INSYN2A: variants seen among roughly 807,000 people sequenced by gnomAD.
INSYN2A encodes inhibitory synaptic factor 2A, also known as family with sequence similarity 196 member A.
A neutral mutation model predicts 39.4 loss-of-function variants in INSYN2A; 17 were observed. That is an observed-to-expected ratio of 0.43 (90% CI 0.30 to 0.65). INSYN2A has a LOEUF of 0.65. Among genes scored for constraint, INSYN2A ranks in the 30% least tolerant of loss-of-function variants. INSYN2A has a pLI of 0.14. For synonymous variants in INSYN2A, 255 were observed against 265.7 expected (o/e 0.96, Z 0.39); for missense variants, 595 against 631.2 (o/e 0.94, Z 0.61).
At chr10:127,174,793 T>G (rs185487373) in intron 4 of INSYN2A, among the ~76,000 whole-genome samples, 2 of 152,380 alleles carry the variant, frequency 1.3e-5, no homozygotes, top group Non-Finnish European at 2.9e-5. Flanking sequence ...ACATGAAATT[T>G]CCTTTCTCTT....
At chr10:127,182,859 G>C (rs539160840) in intron 2 of INSYN2A, among the ~76,000 whole-genome samples, 1 of 152,194 alleles carries the variant, frequency 6.6e-6, no homozygotes, top group African/African-American at 2.4e-5. Flanking sequence ...CTTTAGTTAC[G>C]ATAGCAGGTG....
At chr10:127,161,231 G>A (rs559383988) in intron 4 of INSYN2A, among the ~76,000 whole-genome samples, 1 of 152,334 alleles carries the variant, frequency 6.6e-6, no homozygotes, top group African/African-American at 2.4e-5. Context: ...CATTGTCTTA[G>A]CATTTGAGCT....
At chr10:127,180,339 A>G (rs1589807529) in intron 2 of INSYN2A, among the ~76,000 whole-genome samples, 3 of 152,338 alleles carry the variant, frequency 2.0e-5, no homozygotes, top group Admixed American at 1.3e-4. Flanking sequence ...GGGTCACCCT[A>G]GAGAACCATG....
chr10:127,189,096 G>T (rs1189670631), intron 2 of INSYN2A, among the ~76,000 whole-genome samples: 1 of 152,192 alleles, frequency 6.6e-6, no homozygotes, highest in Admixed American at 6.5e-5. Context: ...GATGTGTTGT[G>T]CATGTGGATG....
rs1491352928 is a variant in INSYN2A, at chr10:127,190,664, T to TCCCCCCCCCCCCCC, written c.-269+1940_-269+1941insGGGGGGGGGGGGGG. Among the ~76,000 whole-genome samples the TCCCCCCCCCCCCCC allele has an allele frequency of 2.6e-4, 4 of 15,272 alleles. 1 individual carries two copies. The highest frequency in any genetic ancestry group is 4.0e-4 in the African/African-American group (1 of 2,476). The allele number at this position is 15,272 out of a possible 152,430, so 10.0% of individuals were successfully genotyped here. On this transcript the variant is annotated intron_variant, in intron 2 of 5. Transcript: ENST00000522781. ...TCAAATATTTAATAGAAATCCTATC[T>TCCCCCCCCCCCCCC]TCCCCCCCCCCCCCCCCCCGTTCCT...
At chr10:127,187,740 AAGAAAGAG>A (rs149634916) in intron 2 of INSYN2A, among the ~76,000 whole-genome samples, 75,187 of 150,662 alleles carry the variant, frequency 0.5, 20,175 homozygotes, top group East Asian at 0.71. Context: ...GAAAGAAAGA[AAGAAAGAG>A]AGAAAGAGAG....
At chr10:127,163,448 G>T (rs774069725) in intron 4 of INSYN2A, among the ~76,000 whole-genome samples, 1 of 152,082 alleles carries the variant, frequency 6.6e-6, no homozygotes, top group Non-Finnish European at 1.5e-5. Context: ...GTTCCCGGGC[G>T]GGCAAACTTT....
chr10:127,181,976 G>T (rs1404011777), intron 2 of INSYN2A, among the ~76,000 whole-genome samples: 2 of 152,100 alleles, frequency 1.3e-5, no homozygotes, highest in Non-Finnish European at 2.9e-5. Flanking sequence ...CCCTACATTT[G>T]TTGTTTTCAG....
intron 5 of INSYN2A, among the ~76,000 whole-genome samples, chr10:127,148,629 G>A (rs778921856): frequency 8.5e-5 from 13 of 152,148 alleles, no homozygotes; most frequent in Non-Finnish European, 1.5e-4. Flanking sequence ...TGAATCATCC[G>A]TGGTGTGACT....
chr10:127,166,095 T>G (rs1381699324), intron 4 of INSYN2A, among the ~76,000 whole-genome samples: 1 of 152,068 alleles, frequency 6.6e-6, no homozygotes, highest in Non-Finnish European at 1.5e-5. Context: ...AGACAGAGTC[T>G]CGCTCTGTAG....
intron 2 of INSYN2A, among the ~76,000 whole-genome samples, chr10:127,191,683 C>CA (rs1420178114): frequency 6.6e-6 from 1 of 152,190 alleles, no homozygotes; most frequent in Non-Finnish European, 1.5e-5. Flanking sequence ...CCTAGAAACA[C>CA]AAAGACTGCT....
At position 127,175,772 on chromosome 10, in the gene INSYN2A, C is replaced by T. The variant is rs777030866; in HGVS notation, c.624G>A (p.Ala208=). The change falls in exon 4 of 6, where the codon GCG becomes GCA. Residue 208 remains alanine, a synonymous_variant. Transcript: ENST00000522781. The surrounding 1 kb of genome is among the most constrained non-coding windows in gnomAD (Gnocchi z 6.3). ...SPEPLSYGEA[A]LQNSTRPPSE... is the part of the protein sequence containing the mutation. Reference sequence around the variant, plus strand: ...ATGGAGGCCGAGTGGAGTTTTGGAGCGCAGCTTCTCCATAGCTGAGCGGCT... The same window carrying T: ...ATGGAGGCCGAGTGGAGTTTTGGAGTGCAGCTTCTCCATAGCTGAGCGGCT... 2.0e-5 allele frequency: 32 copies of T among 1,613,972 alleles called. No individual in the cohort carries two copies. The highest frequency in any genetic ancestry group is 1.6e-4 in the East Asian group (7 of 44,860).
intron 5 of INSYN2A, among the ~76,000 whole-genome samples, chr10:127,151,963 A>C (rs754805537): frequency 2.5e-4 from 38 of 152,162 alleles, no homozygotes; most frequent in Non-Finnish European, 2.1e-4. Flanking sequence ...TTCTGGATTT[A>C]GAGCTAAGTT....
chr10:127,158,958 T>TATCCC (rs2053339271), intron 4 of INSYN2A, among the ~76,000 whole-genome samples: 1 of 152,212 alleles, frequency 6.6e-6, no homozygotes, highest in Non-Finnish European at 1.5e-5. Context: ...AACTGGGTTT[T>TATCCC]ATCCCAGGGA....
intron 4 of INSYN2A, among the ~76,000 whole-genome samples, chr10:127,172,044 G>A (rs919099689): frequency 2.6e-5 from 4 of 152,102 alleles, no homozygotes; most frequent in African/African-American, 9.7e-5. Flanking sequence ...GTTCATTGTC[G>A]TATCATATAA....
intron 5 of INSYN2A, among the ~76,000 whole-genome samples, chr10:127,141,672 A>C (rs1339464724): frequency 6.6e-6 from 1 of 151,304 alleles, no homozygotes; most frequent in African/African-American, 2.4e-5. Flanking sequence ...CTTTGTCTTT[A>C]AAACAAAAAA....
chr10:127,154,038 A>G, intron 4 of INSYN2A, 115 bp from the exon 5 acceptor site: 1 of 725,692 alleles, frequency 1.4e-6, no homozygotes, highest in South Asian at 1.6e-5. Flanking sequence ...TGGTCATGGA[A>G]ATTGATTAAT....
rs2053744106 is a variant in INSYN2A, at chr10:127,163,183, ATGTCTTTGTTCCTCTTCACAATC to A, written c.1185-9283_1185-9261del. Among the ~76,000 whole-genome samples, 7 of 152,126 alleles carry A rather than the reference ATGTCTTTGTTCCTCTTCACAATC, an allele frequency of 4.6e-5. No homozygotes were observed. The South Asian group carries it at 1.5e-3, about 32-fold the overall frequency. On this transcript the variant is annotated intron_variant, in intron 4 of 5. Coordinates refer to ENST00000522781, the MANE Select transcript of INSYN2A (RefSeq NM_001039762.3). ...ACTGGGCATTTTGCTGGCTGGGAAC[ATGTCTTTGTTCCTCTTCACAATC>A]CTAGCTGATAGCTTGGTGACTTCTG... is the stretch of plus-strand genomic sequence containing the variant.
chr10:127,146,053 C>G (rs776977517), intron 5 of INSYN2A: 5 of 518,398 alleles, frequency 9.6e-6, no homozygotes, highest in Non-Finnish European at 1.9e-5. Context: ...CCCTAGACAT[C>G]GTGGCCAGGA....
Sources: allele counts gnomAD v4.1 joint callset (sites outside exome capture counted in the v4.1 genomes callset), GRCh38; gene constraint gnomAD v4.1.1; non-coding constraint Gnocchi (gnomAD v3.1); transcripts MANE v1.5; gene names NCBI Gene and HGNC (gene_info 2026-07-23, HGNC 2026-07-21).